TMEM62: variants seen among roughly 807,000 people sequenced by gnomAD.
TMEM62 encodes the protein transmembrane protein 62.
TMEM62 carries 41 observed loss-of-function variants against 70.4 expected under a neutral mutation model. The observed-to-expected ratio is 0.58, with a 90% CI of 0.45 to 0.76. The LOEUF is 0.76. Among genes scored for constraint, TMEM62 ranks in the 30% least tolerant of loss-of-function variants. The probability of loss-of-function intolerance (pLI) is 0.00; values close to 1 mark genes in which losing one functional copy is unlikely to be tolerated. For synonymous variants in TMEM62, 268 were observed against 291.0 expected, an observed-to-expected ratio of 0.92 and a Z score of 0.80; for missense variants, 688 against 788.5, an observed-to-expected ratio of 0.87 and a Z score of 1.53.
In TMEM62 at chr15:43,137,265, T is replaced by C. The variant is rs1353630061; in HGVS notation, c.431-1309T>C. ...CTTTATCTGATCAGTAGATCAGGCATGAATCCACTTCTTGCTGGCTTTTAG... is the reference window on the plus strand; with the variant it reads ...CTTTATCTGATCAGTAGATCAGGCACGAATCCACTTCTTGCTGGCTTTTAG... On this transcript the variant is annotated intron_variant, in intron 3 of 13. Coordinates refer to ENST00000260403, the MANE Select transcript of TMEM62 (RefSeq NM_024956.4). Among the ~76,000 whole-genome samples, 5 of 152,256 alleles carry C rather than the reference T, an allele frequency of 3.3e-5. No homozygotes were observed. In the East Asian group the frequency reaches 9.6e-4, roughly 29 times the overall value.
At chr15:43,133,524 G>A (rs2034681099), upstream of TMEM62, 1 of 313,926 alleles carries the variant, frequency 3.2e-6, no homozygotes, top group Non-Finnish European at 5.8e-6. Flanking sequence ...CACCGTCATT[G>A]GTGTTCAGAG....
chr15:43,167,447 C>T (rs1377189954), intron 10 of TMEM62, among the ~76,000 whole-genome samples: 2 of 150,274 alleles, frequency 1.3e-5, no homozygotes, highest in African/African-American at 4.9e-5. Context: ...ACTTCTCAGA[C>T]GGGGCGGCCC....
intron 4 of TMEM62, among the ~76,000 whole-genome samples, chr15:43,144,132 G>T (rs907582114): frequency 6.6e-6 from 1 of 152,224 alleles, no homozygotes; most frequent in South Asian, 2.1e-4. Flanking sequence ...GAAGCAAAAA[G>T]TGTGTCCAAT....
rs147965080 is a variant in TMEM62 at position 43,142,454 on chromosome 15, C to T, written c.476+3835C>T. Among the ~76,000 whole-genome samples, 532 of 151,366 alleles carry T rather than the reference C, an allele frequency of 3.5e-3. 2 individuals are homozygous for T. Among genetic ancestry groups the T allele is most frequent in the Non-Finnish European group, 6.1e-3 (415 of 67,768 alleles). On this transcript the variant is annotated intron_variant, in intron 4 of 13. Coordinates refer to ENST00000260403, the MANE Select transcript of TMEM62 (RefSeq NM_024956.4). The stretch of plus-strand genomic sequence containing the variant: ...CTGGGATTACAGGGGTGAGCCACCG[C>T]GCCCGGCCAAGAAATTCTTGTGAAA...
chr15:43,144,566 G>A (rs2036436286), intron 4 of TMEM62, among the ~76,000 whole-genome samples: 1 of 152,208 alleles, frequency 6.6e-6, no homozygotes, highest in Non-Finnish European at 1.5e-5. Flanking sequence ...GTCTAGTCAT[G>A]ATAATGAAAA....
chr15:43,134,031 G>C, intron 1 of TMEM62, 49 bp downstream of exon 1: 1 of 1,436,032 alleles, frequency 7.0e-7, no homozygotes, highest in Non-Finnish European at 9.1e-7. Flanking sequence ...ATCGGGCACC[G>C]TGCGGTGGGA....
At chr15:43,163,361 C>T (rs1187924821) in intron 10 of TMEM62, among the ~76,000 whole-genome samples, 2 of 152,052 alleles carry the variant, frequency 1.3e-5, no homozygotes, top group African/African-American at 4.8e-5. Context: ...TATTAATAAG[C>T]ATTTGCATCT....
At chr15:43,144,134 G>T (rs1224141113) in intron 4 of TMEM62, among the ~76,000 whole-genome samples, 1 of 152,232 alleles carries the variant, frequency 6.6e-6, no homozygotes, top group East Asian at 1.9e-4. Flanking sequence ...AGCAAAAAGT[G>T]TGTCCAATCT....
chr15:43,140,240 G>A (rs538694325), intron 4 of TMEM62, among the ~76,000 whole-genome samples: 15 of 152,316 alleles, frequency 9.8e-5, no homozygotes, highest in African/African-American at 3.1e-4. Context: ...GACCCATAAC[G>A]TGGCTGTAAC....
At position 43,160,683 on chromosome 15, in the gene TMEM62, T is replaced by A. The variant is rs1044321417; in HGVS notation, c.1185T>A (p.Asp395Glu). ...GTHNIEVIVQ[D>E]SAGRSKSVHH... ...TTTTCTTCTGTGGTTATTACTAGGA[T>A]TCTGCTGGAAGAAGTAAGAGTGTTC... Residue 395 changes from aspartate (D) to glutamate (E), a missense_variant and splice_region_variant, in exon 10 of 14, where the codon GAT (aspartate) becomes GAA (glutamate). Coordinates refer to ENST00000260403, the MANE Select transcript of TMEM62 (RefSeq NM_024956.4). The A allele has an allele frequency of 1.9e-6, 3 of 1,579,536 alleles. No individual in the cohort carries two copies. In the African/African-American group the frequency reaches 4.1e-5, roughly 21 times the overall value.
At position 43,146,480 on chromosome 15, in the gene TMEM62, T is replaced by C. The variant is rs1288055254; in HGVS notation, c.477-13T>C. 5.6e-6 allele frequency: 9 copies of C among 1,604,726 alleles called. No individual in the cohort carries two copies. In the Admixed American group the frequency reaches 1.4e-4, roughly 25 times the overall value. ...TTTATTACACTAACACCCTCCTGTC[T>C]TCTATTTTTTAGGAAATATTCTGCT... On this transcript the variant is annotated splice_polypyrimidine_tract_variant and intron_variant, in intron 4 of 13. Transcript: ENST00000260403.
intron 12 of TMEM62, chr15:43,180,047 G>C (rs2041180894): frequency 6.6e-6 from 1 of 152,190 alleles, no homozygotes; most frequent in South Asian, 2.1e-4. Flanking sequence ...CTTTAATGCA[G>C]TTTATATAAA....
At position 43,138,565 on chromosome 15, in the gene TMEM62, TTA is replaced by T; in HGVS notation, c.431-8_431-7del. The T allele has an allele frequency of 6.3e-7, 1 of 1,578,244 alleles. No homozygotes were observed. The highest frequency in any genetic ancestry group is 8.6e-7 in the Non-Finnish European group (1 of 1,158,872). On this transcript the variant is annotated splice_polypyrimidine_tract_variant and splice_region_variant and intron_variant, in intron 3 of 13. Transcript: ENST00000260403. Reference sequence around the variant, plus strand: ...ATGAATGTTTGCTTTTTTTTTTTTTTTAAATTAGATGCATTCAATATTCCAAG... The same window carrying T: ...ATGAATGTTTGCTTTTTTTTTTTTTTAATTAGATGCATTCAATATTCCAAG...
In TMEM62 at chr15:43,146,606, C is replaced by G. The variant is rs775949045; in HGVS notation, c.590C>G (p.Pro197Arg). The change falls in exon 5 of 14, where the codon CCC (proline) becomes CGC (arginine). Residue 197 changes from proline (P) to arginine (R), a missense_variant. Transcript: ENST00000260403. ...DATVNPGPKR[P>R]YNFFGILDKK... is the part of the protein sequence containing the mutation. ...ACTGTAAATCCAGGGCCTAAGAGAC[C>G]CTATAATTTCTTTGGAATTTTAGAT... 3 of 1,605,724 alleles carry G rather than the reference C, an allele frequency of 1.9e-6. No homozygotes were observed. In the South Asian group the frequency reaches 3.3e-5, roughly 18 times the overall value.
intron 9 of TMEM62, among the ~76,000 whole-genome samples, chr15:43,158,986 C>G (rs921015698): frequency 2.6e-5 from 4 of 152,216 alleles, no homozygotes; most frequent in African/African-American, 9.6e-5. Context: ...ATGTTGACTA[C>G]TAAGCCCTTT....
intron 10 of TMEM62, among the ~76,000 whole-genome samples, chr15:43,167,545 T>G (rs867247619): frequency 1.3e-5 from 2 of 151,146 alleles, no homozygotes; most frequent in Admixed American, 1.3e-4. Context: ...GCAGAGACGC[T>G]CCTCACTTCC....
At position 43,138,636 on chromosome 15, in the gene TMEM62, A is replaced by T; in HGVS notation, c.476+17A>T. The T allele has an allele frequency of 6.3e-7, 1 of 1,579,370 alleles. No homozygotes were observed. On this transcript the variant is annotated intron_variant, in intron 4 of 13. Coordinates refer to ENST00000260403, the MANE Select transcript of TMEM62 (RefSeq NM_024956.4). ...TTATTACAGGTACTGTAATAAACAGAAGACAGACCACTATGTAGAGTCAGT... is the reference window on the plus strand; with the variant it reads ...TTATTACAGGTACTGTAATAAACAGTAGACAGACCACTATGTAGAGTCAGT...
At chr15:43,180,998 G>C in intron 12 of TMEM62, 183 bp from the exon 13 acceptor site, 1 of 558,492 alleles carries the variant, frequency 1.8e-6, no homozygotes, top group East Asian at 2.8e-5. Context: ...CCAAAAAATA[G>C]TTGGTTAGCA....
chr15:43,152,647 C>T (rs562346212), intron 8 of TMEM62, among the ~76,000 whole-genome samples: 9 of 152,176 alleles, frequency 5.9e-5, no homozygotes, highest in Non-Finnish European at 8.8e-5. Context: ...CGCCCTCCTA[C>T]GCCTCCCCAA....
Sources: gnomAD v4.1 joint callset for allele counts (sites outside exome capture counted in the v4.1 genomes callset) on GRCh38, gnomAD v4.1.1 for gene constraint, MANE v1.5 for transcripts, NCBI Gene and HGNC (gene_info 2026-07-23, HGNC 2026-07-21) for gene names.